CMPK1: variants seen among roughly 807,000 people sequenced by gnomAD.
CMPK1 encodes the protein cytidine/uridine monophosphate kinase 1.
A neutral mutation model predicts 25.7 loss-of-function variants in CMPK1; 10 were observed. The ratio of observed to expected loss-of-function variants is 0.39; its 90% CI spans 0.24 to 0.66. The LOEUF (loss-of-function observed/expected upper bound fraction) is 0.66, where lower values mean the gene tolerates loss of function less well. Among genes scored for constraint, CMPK1 ranks in the 30% least tolerant of loss-of-function variants. The pLI is 0.48. For synonymous variants in CMPK1, 106 were observed against 101.5 expected (o/e 1.04, Z -0.27); for missense variants, 199 against 280.5 (o/e 0.71, Z 2.08).
intron 1 of CMPK1, among the ~76,000 whole-genome samples, chr1:47,341,397 C>G (rs1010867548): frequency 3.3e-5 from 5 of 152,080 alleles, no homozygotes; most frequent in African/African-American, 1.2e-4. Context: ...GAGACTCACT[C>G]AGTCTGTCAC....
chr1:47,335,636 CAAAAAAAAAAA>C (rs34856862), intron 1 of CMPK1, among the ~76,000 whole-genome samples: 6 of 75,300 alleles, frequency 8.0e-5, no homozygotes, highest in Admixed American at 1.5e-4. Flanking sequence ...AACTCCGTCT[CAAAAAAAAAAA>C]AAAAAAAAAA....
chr1:47,364,156 A>C (rs949439988), intron 1 of CMPK1, among the ~76,000 whole-genome samples: 1 of 152,042 alleles, frequency 6.6e-6, no homozygotes, highest in Non-Finnish European at 1.5e-5. Context: ...CTGCCTTTAG[A>C]TATGGGTTCA....
intron 2 of CMPK1, 128 bp from the exon 3 acceptor site, chr1:47,372,827 C>A: frequency 2.3e-6 from 1 of 429,210 alleles, no homozygotes; most frequent in Non-Finnish European, 3.6e-6. Flanking sequence ...TTTTTTTTTG[C>A]TATGTACCCT....
chr1:47,351,909 G>A (rs1445955425), intron 1 of CMPK1, among the ~76,000 whole-genome samples: 1 of 152,108 alleles, frequency 6.6e-6, no homozygotes, highest in African/African-American at 2.4e-5. Context: ...GCTAAGGCAG[G>A]TGGATCATTT....
chr1:47,368,390 T>A, intron 1 of CMPK1, 79 bp from the exon 2 acceptor site: 1 of 1,215,336 alleles, frequency 8.2e-7, no homozygotes, highest in Non-Finnish European at 1.1e-6. Context: ...ATATAGAAAT[T>A]AACACAAAGG....
intron 1 of CMPK1, among the ~76,000 whole-genome samples, chr1:47,339,922 G>A (rs960946356): frequency 2.6e-5 from 4 of 151,586 alleles, no homozygotes; most frequent in Non-Finnish European, 4.4e-5. Flanking sequence ...TGGCCAGGCT[G>A]GTCTCAAACT....
chr1:47,361,465 G>T (rs1355430897), intron 1 of CMPK1, among the ~76,000 whole-genome samples: 1 of 152,194 alleles, frequency 6.6e-6, no homozygotes, highest in Non-Finnish European at 1.5e-5. Flanking sequence ...ACAAAGACAA[G>T]TTTGTGTGCA....
intron 2 of CMPK1, among the ~76,000 whole-genome samples, chr1:47,370,616 G>T (rs1646671612): frequency 1.3e-5 from 2 of 148,166 alleles, no homozygotes; most frequent in Non-Finnish European, 3.0e-5. Flanking sequence ...ACTCCAGGTT[G>T]GGTGACAGAG....
At position 47,346,944 on chromosome 1, in the gene CMPK1, C is replaced by T. The variant is rs151105374; in HGVS notation, c.171+12828C>T. ...GATTACAGGCGCCCGCCACCATACC[C>T]GGCTAATTTTTGTATTTTTAGTAGA... On this transcript the variant is annotated intron_variant, in intron 1 of 5. Coordinates refer to ENST00000371873, the MANE Select transcript of CMPK1 (RefSeq NM_016308.3). Among the ~76,000 whole-genome samples the T allele has an allele frequency of 7.5e-4, 113 of 150,188 alleles. 1 individual carries two copies. The highest frequency in any genetic ancestry group is 7.2e-3 in the Middle Eastern group (2 of 278).
rs182092739 is a variant in CMPK1 at position 47,373,292 on chromosome 1, C to T, written c.471+185C>T. 2.9e-4 allele frequency: 118 copies of T among 406,220 alleles called. 2 individuals are homozygous for T. The East Asian group carries it at 3.9e-3, about 13-fold the overall frequency. The allele number at this position is 406,220 out of a possible 1,614,324, so 25.2% of individuals were successfully genotyped here. On this transcript the variant is annotated intron_variant, in intron 3 of 5. Transcript: ENST00000371873. The stretch of plus-strand genomic sequence containing the variant: ...TTAAAAACTATTTGGCATTAGCAGC[C>T]TTGTGGAGCTAAATTTTCCTTTATT...
At chr1:47,337,614 T>G (rs1370331504) in intron 1 of CMPK1, among the ~76,000 whole-genome samples, 4 of 131,190 alleles carry the variant, frequency 3.0e-5, no homozygotes, top group Non-Finnish European at 6.8e-5. Flanking sequence ...CTGGAATATC[T>G]ATTTTTTTTT....
chr1:47,358,952 C>T, intron 1 of CMPK1: 1 of 984,602 alleles, frequency 1.0e-6, no homozygotes, highest in Non-Finnish European at 1.2e-6. Context: ...TCTTTTGGGC[C>T]AACTTTCTTG....
chr1:47,369,916 T>C (rs1225316178), intron 2 of CMPK1, among the ~76,000 whole-genome samples: 1 of 146,924 alleles, frequency 6.8e-6, no homozygotes, highest in Non-Finnish European at 1.5e-5. Flanking sequence ...TCTCTTTTTT[T>C]TTTTTTTTTT....
chr1:47,334,075 C>T lies in CMPK1; in HGVS notation c.130C>T (p.Pro44Ser). 1.3e-6 allele frequency: 2 copies of T among 1,540,452 alleles called. No individual in the cohort carries two copies. Among genetic ancestry groups the T allele is most frequent in the South Asian group, 1.2e-5 (1 of 83,372 alleles). Reference sequence around the variant, plus strand: ...GCTGGTCGTGTTCGTCCTCGGCGGCCCCGGCGCCGGCAAGGGGACCCAGTG... The same window carrying T: ...GCTGGTCGTGTTCGTCCTCGGCGGCTCCGGCGCCGGCAAGGGGACCCAGTG... ...KPLVVFVLGG[P>S]GAGKGTQCAR... is the part of the protein sequence containing the mutation. Residue 44 changes from proline to serine, a missense_variant, in exon 1 of 6, where the codon CCC (proline) becomes TCC (serine). Coordinates refer to ENST00000371873, the MANE Select transcript of CMPK1 (RefSeq NM_016308.3).
At chr1:47,373,280 G>T in intron 3 of CMPK1, 173 bp downstream of exon 3, 3 of 445,644 alleles carry the variant, frequency 6.7e-6, no homozygotes, top group Non-Finnish European at 7.5e-6. Context: ...AAAACTATTT[G>T]GCATTAGCAG....
chr1:47,334,243 G>A (rs1646378871), intron 1 of CMPK1, 127 bp downstream of exon 1: 8 of 945,408 alleles, frequency 8.5e-6, no homozygotes, highest in Non-Finnish European at 1.1e-5. Context: ...CGGCCACCGC[G>A]CCGCCCGCGT....
chr1:47,370,527 G>C lies in CMPK1; in HGVS notation c.318+1912G>C, dbSNP rs149267626. ...GTGGTGGCACACACCTGTAATCCCA[G>C]TTACTTGGGAGGCTGAGGCAGAAGA... On this transcript the variant is annotated intron_variant, in intron 2 of 5. Coordinates refer to ENST00000371873, the MANE Select transcript of CMPK1 (RefSeq NM_016308.3). Among the ~76,000 whole-genome samples the C allele has an allele frequency of 4.9e-4, 75 of 151,534 alleles. No individual in the cohort carries two copies. In the East Asian group the frequency reaches 0.011, roughly 22 times the overall value.
chr1:47,351,445 T>C (rs1464124488), intron 1 of CMPK1, among the ~76,000 whole-genome samples: 1 of 152,204 alleles, frequency 6.6e-6, no homozygotes, highest in Non-Finnish European at 1.5e-5. Flanking sequence ...CTCAATAATG[T>C]TCCATTATAT....
rs376264247 is a variant in CMPK1 at position 47,350,279 on chromosome 1, C to G, written c.171+16163C>G. Reference sequence around the variant, plus strand: ...TTGAGACAGGACCTTGCGCTGTCACCAGGCTGGAGTGCAGTGACATGATCA... The same window carrying G: ...TTGAGACAGGACCTTGCGCTGTCACGAGGCTGGAGTGCAGTGACATGATCA... On this transcript the variant is annotated intron_variant, in intron 1 of 5. Transcript: ENST00000371873. Among the ~76,000 whole-genome samples, 4 of 152,170 alleles carry G rather than the reference C, an allele frequency of 2.6e-5. No homozygotes were observed. In the East Asian group the frequency reaches 7.8e-4, roughly 30 times the overall value.
Sources: allele counts gnomAD v4.1 joint callset (sites outside exome capture counted in the v4.1 genomes callset), GRCh38; gene constraint gnomAD v4.1.1; transcripts MANE v1.5; gene names NCBI Gene and HGNC (gene_info 2026-07-23, HGNC 2026-07-21).